Variants in SALL1 observed in about 807,000 individuals in gnomAD.
SALL1 encodes sal-like protein 1.
SALL1 carries 10 observed loss-of-function variants against 73.1 expected under a neutral mutation model. That is an observed-to-expected ratio of 0.14 (90% CI 0.08 to 0.23). SALL1 has a LOEUF of 0.23. SALL1 is among the 10% of genes least tolerant of loss of function. The probability of loss-of-function intolerance (pLI) is 1.00; values close to 1 mark genes in which losing one functional copy is unlikely to be tolerated. For synonymous variants in SALL1, 688 were observed against 689.8 expected, an observed-to-expected ratio of 1.00 and a Z score of 0.04; for missense variants, 1,520 against 1,697.3, an observed-to-expected ratio of 0.90 and a Z score of 1.84.
chr16:51,145,211 CACACAT>C (rs1212780426), intron 1 of SALL1, among the ~76,000 whole-genome samples: 4 of 45,514 alleles, frequency 8.8e-5, no homozygotes, highest in African/African-American at 2.1e-4. Context: ...CTCTCTCACA[CACACAT>C]ACACACACAC....
Position 51,139,357 on chromosome 16 carries a change from C to A in SALL1, c.2865G>T (p.Glu955Asp). 6.2e-7 allele frequency: 1 copy of A among 1,614,156 alleles called. No individual in the cohort carries two copies. The highest frequency in any genetic ancestry group is 8.5e-7 in the Non-Finnish European group (1 of 1,180,032). ...EEKPQRAVPS[E>D]FANGLSPTPV... The stretch of plus-strand genomic sequence containing the variant: ...GGGTGGGAGACAAACCATTGGCAAA[C>A]TCGCTTGGGACCGCTCTCTGTGGTT... Residue 955 changes from glutamate to aspartate, a missense_variant, in exon 2 of 3, where the codon GAG becomes GAT. Transcript: ENST00000251020.
Position 51,141,095 on chromosome 16 carries a change from G to A in SALL1, c.1127C>T (p.Pro376Leu). The A allele has an allele frequency of 6.2e-7, 1 of 1,614,244 alleles. No homozygotes were observed. Among genetic ancestry groups the A allele is most frequent in the Non-Finnish European group, 8.5e-7 (1 of 1,180,044 alleles). ...TAATAAACTGCTTATTGCAAAAGCT[G>A]GTGAGGACGATGATGAGACCGCTGG... ...SNPAVSSSSSPAFAISSLLSP... is the reference protein window; with the variant it reads ...SNPAVSSSSSLAFAISSLLSP... The change falls in exon 2 of 3, where the codon CCA (proline) becomes CTA (leucine). Residue 376 changes from proline to leucine, a missense_variant. Pro to Leu is a moderately conservative substitution (Grantham distance 98). Transcript: ENST00000251020. This position sits in a 1 kb window ranked among gnomAD's most constrained non-coding sequence, Gnocchi z 5.4.
At position 51,137,245 on chromosome 16, in the gene SALL1, T is replaced by A; in HGVS notation, c.3842A>T (p.Asn1281Ile). ...CTCTGAGTTCTGGAGCCTCTCCAGGTTTCCCGTCAGCCCACTAACAGGTGA... is the reference window on the plus strand; with the variant it reads ...CTCTGAGTTCTGGAGCCTCTCCAGGATTCCCGTCAGCCCACTAACAGGTGA... ...NSSPVSGLTG[N>I]LERLQNSEPN... Residue 1281 changes from asparagine to isoleucine, a missense_variant, in exon 3 of 3, where the codon AAC becomes ATC. Asn to Ile is a moderately radical substitution (Grantham distance 149). Transcript: ENST00000251020. 1 of 1,614,062 alleles carries A rather than the reference T, an allele frequency of 6.2e-7. No homozygotes were observed. Among genetic ancestry groups the A allele is most frequent in the Non-Finnish European group, 8.5e-7 (1 of 1,179,996 alleles).
chr16:51,151,618 C>T (rs892791323), upstream of SALL1, among the ~76,000 whole-genome samples: 4 of 151,362 alleles, frequency 2.6e-5, no homozygotes, highest in African/African-American at 9.7e-5. Context: ...GGTTAACCCT[C>T]TTTGCGACCG....
Position 51,139,692 on chromosome 16 carries a change from C to T in SALL1, c.2530G>A (p.Ala844Thr), listed in dbSNP as rs1962378844. ...EGSIPDTPKS[A>T]DASQDSLSSS... ...GATAAGCTGTCTTGGGAGGCGTCTG[C>T]AGACTTAGGTGTATCAGGGATGCTG... The change falls in exon 2 of 3, where the codon GCA (alanine) becomes ACA (threonine). Residue 844 changes from alanine (A) to threonine (T), a missense_variant. Ala to Thr is a moderately conservative substitution (Grantham distance 58). Transcript: ENST00000251020. The T allele has an allele frequency of 6.2e-7, 1 of 1,614,110 alleles. No homozygotes were observed. The highest frequency in any genetic ancestry group is 1.3e-5 in the African/African-American group (1 of 74,930).
chr16:51,144,568 T>C (rs1168443747), intron 1 of SALL1, among the ~76,000 whole-genome samples: 1 of 152,212 alleles, frequency 6.6e-6, no homozygotes, highest in Non-Finnish European at 1.5e-5. Flanking sequence ...TTGCTTCAAA[T>C]ATTTAGCACA....
chr16:51,152,011 AT>A (rs1228425253), upstream of SALL1: 1 of 87,206 alleles, frequency 1.1e-5, no homozygotes, highest in African/African-American at 4.9e-5. Context: ...CCCCACCCCC[AT>A]TAAAAAAAAA....
intron 1 of SALL1, chr16:51,149,750 C>T (rs1033372412): frequency 1.3e-5 from 2 of 152,210 alleles, no homozygotes; most frequent in African/African-American, 4.8e-5. Context: ...CTTCGCTTCA[C>T]TGTGCCCCAG....
At position 51,138,896 on chromosome 16, in the gene SALL1, G is replaced by A. The variant is rs780221020; in HGVS notation, c.3326C>T (p.Pro1109Leu). 9 of 1,614,172 alleles carry A rather than the reference G, an allele frequency of 5.6e-6. No individual in the cohort carries two copies. The highest frequency in any genetic ancestry group is 1.3e-5 in the African/African-American group (1 of 75,026). Residue 1109 changes from proline (P) to leucine (L), a missense_variant, in exon 2 of 3, where the codon CCG becomes CTG. Physicochemically the swap from Pro to Leu is moderately conservative, Grantham distance 98 (BLOSUM62 -3). Transcript: ENST00000251020. Reference protein sequence around the residue: ...DSKDTPTSHVPSGPLSSSATS... With the variant: ...DSKDTPTSHVLSGPLSSSATS... ...GGCAGAGGAAGACAGAGGCCCAGAC[G>A]GGACGTGACTGGTGGGGGTGTCCTT...
At chr16:51,147,777 T>TC (rs1470304357) in intron 1 of SALL1, among the ~76,000 whole-genome samples, 3 of 40,840 alleles carry the variant, frequency 7.3e-5, no homozygotes, top group Non-Finnish European at 1.9e-4. Context: ...AAGGAAGAAC[T>TC]CCAACACACA....
At position 51,139,496 on chromosome 16, in the gene SALL1, A is replaced by G; in HGVS notation, c.2726T>C (p.Met909Thr). The G allele has an allele frequency of 6.2e-7, 1 of 1,614,160 alleles. No homozygotes were observed. Among genetic ancestry groups the G allele is most frequent in the Non-Finnish European group, 8.5e-7 (1 of 1,180,036 alleles). ...TGGGCTGCCAGCACTTTGGCTTTCCATGTCACCACCCACTGAGGATGAATC... is the reference window on the plus strand; with the variant it reads ...TGGGCTGCCAGCACTTTGGCTTTCCGTGTCACCACCCACTGAGGATGAATC... ...TNDSSSVGGD[M>T]ESQSAGSPAI... The change falls in exon 2 of 3, where the codon ATG becomes ACG. Residue 909 changes from methionine to threonine, a missense_variant. By Grantham distance (81) the Met-to-Thr change is moderately conservative. Coordinates refer to ENST00000251020, the MANE Select transcript of SALL1 (RefSeq NM_002968.3).
At position 51,139,828 on chromosome 16, in the gene SALL1, G is replaced by A. The variant is rs1962383426; in HGVS notation, c.2394C>T (p.Val798=). Residue 798 remains valine (V), a synonymous_variant, in exon 2 of 3, where the codon GTC becomes GTT. Transcript: ENST00000251020. ...HMGGQIPNTP[V]PDSYSESMES... ...CCATGGACTCAGAGTAGCTGTCGGGGACTGGGGTGTTGGGGATCTGGCCTC... is the reference window on the plus strand; with the variant it reads ...CCATGGACTCAGAGTAGCTGTCGGGAACTGGGGTGTTGGGGATCTGGCCTC... 6.2e-7 allele frequency: 1 copy of A among 1,614,086 alleles called. No homozygotes were observed. The highest frequency in any genetic ancestry group is 8.5e-7 in the Non-Finnish European group (1 of 1,180,054).
rs1962354797 is a variant in SALL1 at position 51,138,736 on chromosome 16, A to G, written c.3486T>C (p.Phe1162=). The G allele has an allele frequency of 1.2e-6, 2 of 1,614,094 alleles. No individual in the cohort carries two copies. The highest frequency in any genetic ancestry group is 1.3e-5 in the African/African-American group (1 of 74,910). ...HERTHTGEKP[F]ACTICGRAFT... ...AAGCTCTTCCACAAATAGTGCAAGC[A>G]AAGGGTTTCTCTCCAGTGTGAGTTC... The change falls in exon 2 of 3, where the codon TTT becomes TTC. Residue 1162 remains phenylalanine (F), a synonymous_variant. Transcript: ENST00000251020.
chr16:51,144,580 C>T (rs1000044366), intron 1 of SALL1, among the ~76,000 whole-genome samples: 5 of 152,184 alleles, frequency 3.3e-5, no homozygotes, highest in African/African-American at 9.6e-5. Flanking sequence ...TTTAGCACAT[C>T]TGTGCTCACG....
Position 51,142,003 on chromosome 16 carries a change from G to C in SALL1, c.219C>G (p.Ile73Met), listed in dbSNP as rs774483464. ...GTGGGGAGGCTGGATTTTCATTTAC[G>C]ATTAAAACTAATTGATTTTTAGTAC... ...KNCTKNQLVL[I>M]VNENPASPPE... The change falls in exon 2 of 3, where the codon ATC (isoleucine) becomes ATG (methionine). Residue 73 changes from isoleucine to methionine, a missense_variant. This residue lies in a region of SALL1 where 540 missense variants were observed against 567.5 expected (regional missense o/e 0.95). Transcript: ENST00000251020. 1 of 1,614,012 alleles carries C rather than the reference G, an allele frequency of 6.2e-7. No individual in the cohort carries two copies. The highest frequency in any genetic ancestry group is 8.5e-7 in the Non-Finnish European group (1 of 1,179,994).
At chr16:51,151,392 G>T (rs376048711), upstream of SALL1, 3 of 261,824 alleles carry the variant, frequency 1.1e-5, no homozygotes, top group Admixed American at 5.7e-5. Context: ...CGGGCGCAGC[G>T]CGCATGTGTC....
At chr16:51,138,362 C>G (rs571837795) in intron 2 of SALL1, among the ~76,000 whole-genome samples, 2 of 3,138 alleles carry the variant, frequency 6.4e-4, no homozygotes, top group East Asian at 0.077. Context: ...CATGGCAACG[C>G]TAGGCTTTCT....
At position 51,136,126 on chromosome 16, in the gene SALL1, A is replaced by G. The variant is rs993516573; in HGVS notation, c.*986T>C. The G allele has an allele frequency of 3.9e-5, 6 of 152,582 alleles. No individual in the cohort carries two copies. Among genetic ancestry groups the G allele is most frequent in the Admixed American group, 2.0e-4 (3 of 15,274 alleles). 9.5% of individuals were successfully genotyped at this position (152,582 alleles called of 1,614,324 possible). A position where few individuals can be genotyped will look rare whatever the true frequency, so the allele number is the denominator to read the frequency against. On this transcript the variant is annotated 3_prime_UTR_variant, in exon 3 of 3. Transcript: ENST00000251020. Reference sequence around the variant, plus strand: ...CCAAGAAAGTGCATGTAACAGTCCAATTTTTTTCTTCCATACCTAAGACAA... The same window carrying G: ...CCAAGAAAGTGCATGTAACAGTCCAGTTTTTTTCTTCCATACCTAAGACAA...
In SALL1 at chr16:51,141,986, G is replaced by T; in HGVS notation, c.236C>A (p.Ala79Asp). ...GGGGGAGAAGGTTTCGGGTGGGGAG[G>T]CTGGATTTTCATTTACGATTAAAAC... ...QLVLIVNENP[A>D]SPPETFSPSP... Residue 79 changes from alanine (A) to aspartate (D), a missense_variant, in exon 2 of 3, where the codon GCC (alanine) becomes GAC (aspartate). Ala to Asp is a moderately radical substitution (Grantham distance 126). Transcript: ENST00000251020. This position sits in a 1 kb window ranked among gnomAD's most constrained non-coding sequence, Gnocchi z 5.4. The T allele has an allele frequency of 6.2e-7, 1 of 1,613,952 alleles. No individual in the cohort carries two copies. Among genetic ancestry groups the T allele is most frequent in the Non-Finnish European group, 8.5e-7 (1 of 1,179,994 alleles).
Sources: gnomAD v4.1 joint callset for allele counts (sites outside exome capture counted in the v4.1 genomes callset) on GRCh38, gnomAD v4.1.1 for gene constraint, gnomAD v4.1.1 regional missense constraint, Gnocchi (gnomAD v3.1) non-coding constraint, MANE v1.5 for transcripts, NCBI Gene and HGNC (gene_info 2026-07-23, HGNC 2026-07-21) for gene names.